DSCAML1: variants seen among roughly 807,000 people sequenced by gnomAD.
DSCAML1 encodes the protein DS cell adhesion molecule like 1, also known as cell adhesion molecule DSCAML1.
In DSCAML1, 38 loss-of-function variants were observed where a neutral mutation model predicts 200.5. The observed-to-expected ratio is 0.19, with a 90% CI of 0.15 to 0.25. The LOEUF (loss-of-function observed/expected upper bound fraction) is 0.25. Ranked by LOEUF, DSCAML1 falls within the 10% of genes least tolerant of loss-of-function variation. The pLI, the probability that DSCAML1 is intolerant of heterozygous loss-of-function variation, is 1.00. For missense variants in DSCAML1, 2,223 were observed against 2,858.8 expected (o/e 0.78, Z 5.07); for synonymous variants, 1,215 against 1,165.0 (o/e 1.04, Z -0.87).
Position 117,437,187 on chromosome 11 carries a change from C to T in DSCAML1, c.4655G>A (p.Arg1552Lys), listed in dbSNP as rs199581269. 6 of 1,614,226 alleles carry T rather than the reference C, an allele frequency of 3.7e-6. No individual in the cohort carries two copies. The highest frequency in any genetic ancestry group is 1.3e-5 in the African/African-American group (1 of 75,054). ...GCCGCAGCCCGCACTGTTGCAAGCC[C>T]TCATGCGCAGCTCGTACCACGTGGC... ...REATWYELRM[R>K]ACNSAGCGNE... The change falls in exon 26 of 33, where the codon AGG (arginine) becomes AAG (lysine). Residue 1552 changes from arginine to lysine, a missense_variant. By Grantham distance (26) the Arg-to-Lys change is conservative. Around this residue, in one of 7 missense-constraint regions of DSCAML1, gnomAD observed 614 missense variants for 739.1 expected, o/e 0.83. Transcript: ENST00000651296. This position sits in a 1 kb window ranked among gnomAD's most constrained non-coding sequence, Gnocchi z 5.3.
At chr11:117,445,333 G>A (rs550746048) in intron 20 of DSCAML1, among the ~76,000 whole-genome samples, 2 of 99,940 alleles carry the variant, frequency 2.0e-5, no homozygotes, top group South Asian at 5.1e-4. Flanking sequence ...CAGGAGGTCC[G>A]GGGGGGCAGG....
At chr11:117,450,362 C>G (rs950741037) in intron 20 of DSCAML1, among the ~76,000 whole-genome samples, 187 bp downstream of exon 20, 4 of 152,252 alleles carry the variant, frequency 2.6e-5, no homozygotes, top group Non-Finnish European at 5.9e-5. Flanking sequence ...GAACAGAGGA[C>G]TGACCCAAGA....
intron 1 of DSCAML1, among the ~76,000 whole-genome samples, chr11:117,805,578 TG>T (rs2055701778): frequency 1.3e-5 from 2 of 152,132 alleles, no homozygotes; most frequent in Non-Finnish European, 2.9e-5. Context: ...TTTAACACGC[TG>T]GTGGGCATTG....
chr11:117,549,907 C>T (rs1170418724), intron 3 of DSCAML1, among the ~76,000 whole-genome samples: 3 of 152,186 alleles, frequency 2.0e-5, no homozygotes, highest in Non-Finnish European at 4.4e-5. Context: ...AGAAATGTTC[C>T]AAGTCCCATC....
At chr11:117,497,116 A>G (rs2049304018) in intron 11 of DSCAML1, among the ~76,000 whole-genome samples, 1 of 152,154 alleles carries the variant, frequency 6.6e-6, no homozygotes, top group African/African-American at 2.4e-5. Flanking sequence ...CACTGGCACA[A>G]CAGAACGCAA....
chr11:117,676,896 G>A (rs1049500359), intron 3 of DSCAML1, among the ~76,000 whole-genome samples: 8 of 152,230 alleles, frequency 5.3e-5, no homozygotes, highest in Non-Finnish European at 1.0e-4. Flanking sequence ...CATCTCAAAG[G>A]GGTGTGGCCG....
At position 117,428,043 on chromosome 11, in the gene DSCAML1, C is replaced by T; in HGVS notation, c.*285G>A. ...AGATATATAGCTCGTGGACGCGTTC[C>T]TGTCTGTCTATATATGTATATATAT... On this transcript the variant is annotated 3_prime_UTR_variant, in exon 33 of 33. Coordinates refer to ENST00000651296, the MANE Select transcript of DSCAML1 (RefSeq NM_020693.4). 1 of 274,962 alleles carries T rather than the reference C, an allele frequency of 3.6e-6. No individual in the cohort carries two copies. The highest frequency in any genetic ancestry group is 6.7e-6 in the Non-Finnish European group (1 of 148,724). 17.0% of individuals were successfully genotyped at this position (274,962 alleles called of 1,614,324 possible).
chr11:117,482,068 G>A lies in DSCAML1; in HGVS notation c.2454C>T (p.Ile818=). ...LNCTARGERP[I]IIRWEKGDTV... is the part of the protein sequence containing the mutation. ...TGTCCCCCTTCTCCCAGCGGATGATGATGGGCCGCTCACCCCGTGCCGTGC... is the reference window on the plus strand; with the variant it reads ...TGTCCCCCTTCTCCCAGCGGATGATAATGGGCCGCTCACCCCGTGCCGTGC... Residue 818 remains isoleucine, a synonymous_variant, in exon 12 of 33, where the codon ATC becomes ATT. Transcript: ENST00000651296. The A allele has an allele frequency of 1.2e-6, 2 of 1,614,206 alleles. No individual in the cohort carries two copies. Among genetic ancestry groups the A allele is most frequent in the Non-Finnish European group, 1.7e-6 (2 of 1,180,008 alleles).
At chr11:117,573,451 C>T (rs999320122) in intron 3 of DSCAML1, among the ~76,000 whole-genome samples, 2 of 152,216 alleles carry the variant, frequency 1.3e-5, no homozygotes, top group Non-Finnish European at 2.9e-5. Flanking sequence ...CCATTCAGAA[C>T]CTTCCACTGG....
At chr11:117,675,881 C>G (rs1269073267) in intron 3 of DSCAML1, among the ~76,000 whole-genome samples, 3 of 152,160 alleles carry the variant, frequency 2.0e-5, no homozygotes, top group African/African-American at 7.2e-5. Context: ...GAAATGCAAA[C>G]TGCATCGAAT....
chr11:117,535,674 A>T (rs2050155287), intron 3 of DSCAML1, among the ~76,000 whole-genome samples: 2 of 152,056 alleles, frequency 1.3e-5, no homozygotes, highest in Admixed American at 1.3e-4. Flanking sequence ...TTTATTATGT[A>T]ACTGGGACTG....
At chr11:117,477,198 G>GACACACACACACACACACACACACACAC (rs60376380) in intron 14 of DSCAML1, among the ~76,000 whole-genome samples, 65 of 144,690 alleles carry the variant, frequency 4.5e-4, no homozygotes, top group Non-Finnish European at 6.5e-4. Flanking sequence ...GCTGTCCTTA[G>GACACACACACACACACACACACACACAC]ACACACACAC....
In DSCAML1 at chr11:117,732,621, C is replaced by T. The variant is rs11216520; in HGVS notation, c.511+44170G>A. Among the ~76,000 whole-genome samples the T allele has an allele frequency of 6.3e-3, 955 of 152,270 alleles. 5 individuals carry two copies. Among genetic ancestry groups the T allele is most frequent in the African/African-American group, 0.022 (899 of 41,538 alleles). On this transcript the variant is annotated intron_variant, in intron 3 of 32. Transcript: ENST00000651296. ...CACACATGCAGGCCAGCTCTGGGCC[C>T]ACCTCAAACCCAGCCTCCGGACAGA...
At chr11:117,708,765 G>A (rs564156443) in intron 3 of DSCAML1, among the ~76,000 whole-genome samples, 2 of 152,330 alleles carry the variant, frequency 1.3e-5, no homozygotes, top group South Asian at 2.1e-4. Context: ...CAAGTGAAGC[G>A]ATACCATTGC....
chr11:117,754,665 G>T (rs964687173), intron 3 of DSCAML1, among the ~76,000 whole-genome samples: 5 of 152,142 alleles, frequency 3.3e-5, no homozygotes, highest in Non-Finnish European at 7.3e-5. Context: ...TTGAAACAGC[G>T]ACTTTATAAT....
chr11:117,444,145 T>C, intron 20 of DSCAML1, 106 bp from the exon 21 acceptor site: 1 of 1,316,192 alleles, frequency 7.6e-7, no homozygotes, highest in Non-Finnish European at 1.0e-6. Flanking sequence ...CGGGGTCGGA[T>C]GCGAGGCAGG....
At chr11:117,610,541 G>A (rs1306068281) in intron 3 of DSCAML1, among the ~76,000 whole-genome samples, 1 of 152,068 alleles carries the variant, frequency 6.6e-6, no homozygotes, top group African/African-American at 2.4e-5. Flanking sequence ...GGAGTGGTGA[G>A]AACAGACGGT....
At chr11:117,750,881 T>C (rs1378574707) in intron 3 of DSCAML1, among the ~76,000 whole-genome samples, 1 of 152,126 alleles carries the variant, frequency 6.6e-6, no homozygotes, top group Non-Finnish European at 1.5e-5. Context: ...GCTCTACAAA[T>C]GGCAGTAGGT....
intron 3 of DSCAML1, among the ~76,000 whole-genome samples, chr11:117,536,229 A>C (rs1186493025): frequency 2.0e-5 from 3 of 152,282 alleles, no homozygotes; most frequent in African/African-American, 7.2e-5. Flanking sequence ...CTGCTGGGGA[A>C]GGAAGGAGCA....
Sources: gnomAD v4.1 joint callset for allele counts (sites outside exome capture counted in the v4.1 genomes callset) on GRCh38, gnomAD v4.1.1 for gene constraint, gnomAD v4.1.1 regional missense constraint, Gnocchi (gnomAD v3.1) non-coding constraint, MANE v1.5 for transcripts, NCBI Gene and HGNC (gene_info 2026-07-23, HGNC 2026-07-21) for gene names.